The following MAN1C1 variants were observed in gnomAD, a reference collection of about 807,000 sequenced individuals.
MAN1C1 encodes mannosidase alpha class 1C member 1, also known as mannosyl-oligosaccharide 1,2-alpha-mannosidase IC.
In MAN1C1, 49 loss-of-function variants were observed where a neutral mutation model predicts 71.5. The observed-to-expected ratio is 0.69, with a 90% confidence interval of 0.54 to 0.87. The LOEUF (loss-of-function observed/expected upper bound fraction) is 0.87. MAN1C1 is among the 40% of genes least tolerant of loss of function. The probability of loss-of-function intolerance (pLI) is 0.00; values close to 1 mark genes in which losing one functional copy is unlikely to be tolerated. For synonymous variants in MAN1C1, 352 were observed against 343.7 expected (o/e 1.02, Z -0.27); for missense variants, 743 against 835.0 (o/e 0.89, Z 1.36).
At chr1:25,773,974 T>G (rs1271355572) in intron 8 of MAN1C1, among the ~76,000 whole-genome samples, 1 of 152,140 alleles carries the variant, frequency 6.6e-6, no homozygotes, top group Non-Finnish European at 1.5e-5. Context: ...CTCTGGGCAC[T>G]GGGCCCGGGC....
chr1:25,763,868 C>T lies in MAN1C1; in HGVS notation c.1048-6C>T, dbSNP rs183010282. On this transcript the variant is annotated splice_polypyrimidine_tract_variant and splice_region_variant and intron_variant, in intron 6 of 11. Coordinates refer to ENST00000374332, the MANE Select transcript of MAN1C1 (RefSeq NM_020379.4). The stretch of plus-strand genomic sequence containing the variant: ...GAAGGCTCACCTGGTGTCCGTCTCT[C>T]GGCAGGTCAGGAACATCCGCAAGGT... The T allele has an allele frequency of 1.8e-4, 286 of 1,613,150 alleles. 4 individuals carry two copies. The East Asian group carries it at 6.0e-3, about 34-fold the overall frequency.
intron 1 of MAN1C1, among the ~76,000 whole-genome samples, chr1:25,652,667 G>A (rs1425987344): frequency 6.6e-6 from 1 of 152,208 alleles, no homozygotes; most frequent in Non-Finnish European, 1.5e-5. Flanking sequence ...CCGACATGCA[G>A]GATCAGTGGT....
In MAN1C1 at chr1:25,769,579, G is replaced by C. The variant is rs1302480535; in HGVS notation, c.1142-2078G>C. On this transcript the variant is annotated intron_variant, in intron 7 of 11. Coordinates refer to ENST00000374332, the MANE Select transcript of MAN1C1 (RefSeq NM_020379.4). The surrounding 1 kb of genome is among the most constrained non-coding windows in gnomAD (Gnocchi z 4.8). The stretch of plus-strand genomic sequence containing the variant: ...CACACTCCACCACCGCGTGATTGTG[G>C]CTAAACTCCTTGGCTTGGCATTCCA... 6.6e-6 allele frequency among the ~76,000 whole-genome samples: 1 copy of C among 152,172 alleles called. No homozygotes were observed. Among genetic ancestry groups the C allele is most frequent in the African/African-American group, 2.4e-5 (1 of 41,416 alleles).
chr1:25,661,904 C>G (rs1437488016), intron 1 of MAN1C1, among the ~76,000 whole-genome samples: 2 of 152,194 alleles, frequency 1.3e-5, no homozygotes, highest in Non-Finnish European at 2.9e-5. Context: ...GCTATAAGCT[C>G]TATAAACTGT....
intron 2 of MAN1C1, among the ~76,000 whole-genome samples, chr1:25,702,328 A>G (rs576924693): frequency 1.3e-5 from 2 of 152,300 alleles, no homozygotes; most frequent in South Asian, 4.2e-4. Context: ...TTCCCAGGAC[A>G]TGAAACTCGC....
intron 2 of MAN1C1, among the ~76,000 whole-genome samples, chr1:25,723,138 G>A (rs2046789010): frequency 6.6e-6 from 1 of 152,180 alleles, no homozygotes; most frequent in Admixed American, 6.5e-5. Context: ...GTGGGCAAGA[G>A]GGCAAAGGTG....
chr1:25,723,071 G>A (rs2046787851), intron 2 of MAN1C1, among the ~76,000 whole-genome samples: 1 of 152,108 alleles, frequency 6.6e-6, no homozygotes, highest in East Asian at 1.9e-4. Flanking sequence ...ATATACCTCA[G>A]TGTAGGTCTC....
At chr1:25,724,998 T>A (rs2046813896) in intron 2 of MAN1C1, among the ~76,000 whole-genome samples, 1 of 152,202 alleles carries the variant, frequency 6.6e-6, no homozygotes, top group South Asian at 2.1e-4. Flanking sequence ...TGCTCTCACC[T>A]CTTTTGAATC....
intron 1 of MAN1C1, among the ~76,000 whole-genome samples, chr1:25,682,994 C>T (rs1422689290): frequency 1.3e-5 from 2 of 150,816 alleles, no homozygotes; most frequent in East Asian, 1.9e-4. Flanking sequence ...GCTGAGATTT[C>T]GCCACCGCAC....
intron 3 of MAN1C1, among the ~76,000 whole-genome samples, chr1:25,748,096 G>C (rs2047162267): frequency 6.6e-6 from 1 of 152,096 alleles, no homozygotes; most frequent in Non-Finnish European, 1.5e-5. Context: ...TCCCTGTGTA[G>C]ACAGTGGCTC....
chr1:25,624,313 A>G (rs369379852), intron 1 of MAN1C1, among the ~76,000 whole-genome samples: 16 of 152,318 alleles, frequency 1.1e-4, no homozygotes, highest in African/African-American at 3.8e-4. Context: ...ATTGCTGTTA[A>G]GTCAGACCTG....
rs2047611421 is a variant in MAN1C1 at position 25,775,778 on chromosome 1, C to T, written c.1258-2327C>T. 1.3e-5 allele frequency among the ~76,000 whole-genome samples: 2 copies of T among 152,230 alleles called. No homozygotes were observed. The highest frequency in any genetic ancestry group is 2.9e-5 in the Non-Finnish European group (2 of 68,032). Reference sequence around the variant, plus strand: ...CCCCGAAGCAGGAAGAAAAATGCAGCTTTCAAGAATGTCACCTTTGCAGAG... The same window carrying T: ...CCCCGAAGCAGGAAGAAAAATGCAGTTTTCAAGAATGTCACCTTTGCAGAG... On this transcript the variant is annotated intron_variant, in intron 8 of 11. Transcript: ENST00000374332. This position sits in a 1 kb window ranked among gnomAD's most constrained non-coding sequence, Gnocchi z 5.1.
intron 1 of MAN1C1, among the ~76,000 whole-genome samples, chr1:25,679,950 A>AATATATATAT (rs71576063): frequency 8.5e-6 from 1 of 117,258 alleles, no homozygotes; most frequent in African/African-American, 3.8e-5. Flanking sequence ...AAAAAAAAAA[A>AATATATATAT]ATATATATAT....
chr1:25,777,139 G>A (rs1261435083), intron 8 of MAN1C1, among the ~76,000 whole-genome samples: 3 of 152,188 alleles, frequency 2.0e-5, no homozygotes, highest in Non-Finnish European at 2.9e-5. Flanking sequence ...AACCACTGAA[G>A]GTTCTAAGCA....
chr1:25,763,773 C>T, intron 6 of MAN1C1, 101 bp from the exon 7 acceptor site: 3 of 900,816 alleles, frequency 3.3e-6, no homozygotes, highest in Middle Eastern at 2.2e-4. Flanking sequence ...CATAAGGTTT[C>T]CTCCATGCAT....
Position 25,735,571 on chromosome 1 carries a change from G to A in MAN1C1, c.638-11097G>A, listed in dbSNP as rs2046972888. ...ATATGTATATATATGACATAGGACTGTAAGAACATTGTATCAGTCATCTAT... is the reference window on the plus strand; with the variant it reads ...ATATGTATATATATGACATAGGACTATAAGAACATTGTATCAGTCATCTAT... On this transcript the variant is annotated intron_variant, in intron 2 of 11. Coordinates refer to ENST00000374332, the MANE Select transcript of MAN1C1 (RefSeq NM_020379.4). The surrounding 1 kb of genome is among the most constrained non-coding windows in gnomAD (Gnocchi z 4.6). Among the ~76,000 whole-genome samples, 1 of 152,198 alleles carries A rather than the reference G, an allele frequency of 6.6e-6. No homozygotes were observed. The highest frequency in any genetic ancestry group is 2.4e-5 in the African/African-American group (1 of 41,444).
At position 25,711,533 on chromosome 1, in the gene MAN1C1, T is replaced by C. The variant is rs2046612801; in HGVS notation, c.637+24997T>C. ...CCAGATACCTGGTCCCTGTTGGTGC[T>C]GAGCTCAGCTCCGTTTGATCAAAAG... On this transcript the variant is annotated intron_variant, in intron 2 of 11. Coordinates refer to ENST00000374332, the MANE Select transcript of MAN1C1 (RefSeq NM_020379.4). The surrounding 1 kb of genome is among the most constrained non-coding windows in gnomAD (Gnocchi z 4.3). Among the ~76,000 whole-genome samples the C allele has an allele frequency of 1.3e-5, 2 of 152,232 alleles. No homozygotes were observed. Among genetic ancestry groups the C allele is most frequent in the Admixed American group, 1.3e-4 (2 of 15,284 alleles).
intron 4 of MAN1C1, among the ~76,000 whole-genome samples, chr1:25,750,475 C>T (rs2047199536): frequency 6.6e-6 from 1 of 152,076 alleles, no homozygotes; most frequent in Admixed American, 6.6e-5. Flanking sequence ...CCCAAGGAGC[C>T]ATGGAGGTGA....
intron 2 of MAN1C1, among the ~76,000 whole-genome samples, chr1:25,729,403 C>T (rs906592248): frequency 2.0e-5 from 3 of 152,250 alleles, no homozygotes; most frequent in African/African-American, 7.2e-5. Flanking sequence ...CCAGGCACTG[C>T]AATAAAAGCT....
Sources: gnomAD v4.1 joint callset for allele counts (sites outside exome capture counted in the v4.1 genomes callset) on GRCh38, gnomAD v4.1.1 for gene constraint, Gnocchi (gnomAD v3.1) non-coding constraint, MANE v1.5 for transcripts, NCBI Gene and HGNC (gene_info 2026-07-23, HGNC 2026-07-21) for gene names.